PCCA: variants seen among roughly 807,000 people sequenced by gnomAD.
The protein encoded by PCCA is propionyl-CoA carboxylase subunit alpha.
Under a neutral mutation model 101.3 loss-of-function variants are expected in PCCA, and 74 were observed. The observed-to-expected ratio is 0.73, with a 90% CI of 0.61 to 0.89. PCCA has a LOEUF of 0.89. PCCA is among the 40% of genes least tolerant of loss of function. PCCA has a pLI of 0.00. For missense variants in PCCA, 891 were observed against 907.0 expected (o/e 0.98, Z 0.23); for synonymous variants, 294 against 313.6 (o/e 0.94, Z 0.66).
At chr13:100,349,733 T>G (rs2152775166) in intron 18 of PCCA, among the ~76,000 whole-genome samples, 1 of 151,996 alleles carries the variant, frequency 6.6e-6, no homozygotes, top group East Asian at 1.9e-4. Flanking sequence ...TTTGGCTGCA[T>G]GGAATCAGTG....
intron 21 of PCCA, among the ~76,000 whole-genome samples, chr13:100,485,407 A>G (rs4772292): frequency 0.26 from 39,462 of 152,068 alleles, 5,310 homozygotes; most frequent in African/African-American, 0.31. Flanking sequence ...TTGAAATTGA[A>G]CGCAGATAGC....
In PCCA at chr13:100,530,301, C is replaced by T. The variant is rs879834293; in HGVS notation, c.*135C>T. The T allele has an allele frequency of 1.2e-5, 9 of 760,534 alleles. No homozygotes were observed. The highest frequency in any genetic ancestry group is 5.9e-5 in the South Asian group (4 of 67,452). 47.1% of individuals were successfully genotyped at this position (760,534 alleles called of 1,614,324 possible). On this transcript the variant is annotated 3_prime_UTR_variant, in exon 24 of 24. Transcript: ENST00000376285. ...TACGTCGTCATTTATTCCACAGAGT[C>T]AAGACCAATATTCTGCCAAAAAATC... is the stretch of plus-strand genomic sequence containing the variant.
intron 12 of PCCA, among the ~76,000 whole-genome samples, chr13:100,293,058 A>G (rs988417421): frequency 1.1e-4 from 17 of 152,076 alleles, no homozygotes; most frequent in Non-Finnish European, 2.2e-4. Flanking sequence ...TACAAAGTCT[A>G]TAGGAGTTAG....
Position 100,434,694 on chromosome 13 carries a change from T to G in PCCA, c.1845+8963T>G, listed in dbSNP as rs2079802814. 6.6e-5 allele frequency among the ~76,000 whole-genome samples: 10 copies of G among 152,192 alleles called. No homozygotes were observed. In the South Asian group the frequency reaches 2.1e-3, roughly 32 times the overall value. ...GGTCCCTCATAATGACCCCGCCTGC[T>G]TTTCTCCTGCACAATCCACGTCTGG... On this transcript the variant is annotated intron_variant, in intron 20 of 23. Coordinates refer to ENST00000376285, the MANE Select transcript of PCCA (RefSeq NM_000282.4).
intron 21 of PCCA, among the ~76,000 whole-genome samples, chr13:100,458,355 C>T (rs1360554840): frequency 1.1e-5 from 1 of 90,996 alleles, no homozygotes; most frequent in Non-Finnish European, 2.1e-5. Context: ...AGTGGGACCC[C>T]ATCTCTACAC....
intron 6 of PCCA, among the ~76,000 whole-genome samples, chr13:100,173,556 A>G (rs2055929585): frequency 6.6e-6 from 1 of 152,168 alleles, no homozygotes; most frequent in Admixed American, 6.5e-5. Context: ...CTCTCAGGAA[A>G]TTACCTGGAT....
intron 19 of PCCA, among the ~76,000 whole-genome samples, chr13:100,405,769 CTTTTTTT>C (rs34906541): frequency 8.6e-6 from 1 of 116,400 alleles, no homozygotes; most frequent in Non-Finnish European, 1.7e-5. Flanking sequence ...AAGTGACATT[CTTTTTTT>C]TTTTTTTTTT....
At chr13:100,263,189 C>T (rs2062645210) in intron 10 of PCCA, among the ~76,000 whole-genome samples, 1 of 152,164 alleles carries the variant, frequency 6.6e-6, no homozygotes, top group African/African-American at 2.4e-5. Context: ...GTATAGAGAT[C>T]TGTAAATCAT....
intron 6 of PCCA, among the ~76,000 whole-genome samples, chr13:100,172,074 G>A (rs2055728218): frequency 6.6e-6 from 1 of 151,100 alleles, no homozygotes; most frequent in Non-Finnish European, 1.5e-5. Context: ...GTTGGCATGC[G>A]CCTCTGGTCC....
At chr13:100,422,110 C>CTTCCTTTCT (rs1567109430) in intron 19 of PCCA, among the ~76,000 whole-genome samples, 5 of 116,108 alleles carry the variant, frequency 4.3e-5, no homozygotes, top group Admixed American at 1.7e-4. Flanking sequence ...TTCTTTCTTT[C>CTTCCTTTCT]TTTCTTTCTT....
chr13:100,287,531 A>G (rs1311387161), intron 12 of PCCA, among the ~76,000 whole-genome samples: 1 of 152,144 alleles, frequency 6.6e-6, no homozygotes, highest in South Asian at 2.1e-4. Context: ...ATTTTCCTTC[A>G]TATTTCAATC....
intron 20 of PCCA, among the ~76,000 whole-genome samples, chr13:100,429,865 C>G (rs1002022426): frequency 1.3e-5 from 2 of 151,816 alleles, no homozygotes; most frequent in African/African-American, 4.8e-5. Flanking sequence ...CCTCAGCCTC[C>G]TAAAGTGCTG....
chr13:100,137,465 T>A (rs934316079), intron 4 of PCCA, among the ~76,000 whole-genome samples: 1 of 152,212 alleles, frequency 6.6e-6, no homozygotes, highest in Non-Finnish European at 1.5e-5. Context: ...GACTGGGTTA[T>A]TGTCTGTTTC....
chr13:100,361,139 G>C (rs1481691087), intron 18 of PCCA, among the ~76,000 whole-genome samples: 1 of 152,122 alleles, frequency 6.6e-6, no homozygotes, highest in African/African-American at 2.4e-5. Context: ...AGCATTCGGG[G>C]GAGGGAGGGG....
At chr13:100,418,375 A>T (rs1477294256) in intron 19 of PCCA, among the ~76,000 whole-genome samples, 2 of 152,086 alleles carry the variant, frequency 1.3e-5, no homozygotes, top group African/African-American at 2.4e-5. Flanking sequence ...CTCCTCCCTT[A>T]TCCTCAGTGA....
intron 4 of PCCA, among the ~76,000 whole-genome samples, chr13:100,147,385 G>A (rs746859722): frequency 3.3e-5 from 5 of 152,222 alleles, no homozygotes; most frequent in Non-Finnish European, 5.9e-5. Context: ...TTAGTGGCCT[G>A]TGTTGAGCAG....
chr13:100,428,337 C>A (rs1432394803), intron 20 of PCCA, among the ~76,000 whole-genome samples: 3 of 135,166 alleles, frequency 2.2e-5, no homozygotes, highest in East Asian at 4.6e-4. Context: ...CCCCCTACCC[C>A]CCACCCCCAC....
At chr13:100,166,525 C>A (rs1001764641) in intron 6 of PCCA, among the ~76,000 whole-genome samples, 1 of 152,192 alleles carries the variant, frequency 6.6e-6, no homozygotes, top group Non-Finnish European at 1.5e-5. Flanking sequence ...TTTCGAACTC[C>A]TGGCCTCAAG....
At chr13:100,252,254 G>C (rs2061803088) in intron 8 of PCCA, among the ~76,000 whole-genome samples, 1 of 151,908 alleles carries the variant, frequency 6.6e-6, no homozygotes, top group African/African-American at 2.4e-5. Flanking sequence ...TTTTACCTTG[G>C]ACCTTTCCTT....
Sources: allele counts gnomAD v4.1 joint callset (sites outside exome capture counted in the v4.1 genomes callset), GRCh38; gene constraint gnomAD v4.1.1; transcripts MANE v1.5; gene names NCBI Gene and HGNC (gene_info 2026-07-23, HGNC 2026-07-21).